The following GASK1A variants were observed in gnomAD, a reference collection of about 807,000 sequenced individuals.
GASK1A encodes the protein Golgi-associated kinase 1A.
GASK1A carries 40 observed loss-of-function variants against 41.2 expected under a neutral mutation model. The observed-to-expected ratio is 0.97, with a 90% CI of 0.75 to 1.27. The LOEUF (loss-of-function observed/expected upper bound fraction) is 1.27. Among genes scored for constraint, GASK1A ranks in the 50% most tolerant of loss-of-function variants. The pLI is 0.00. For missense variants in GASK1A, 678 were observed against 745.1 expected, an observed-to-expected ratio of 0.91 and a Z score of 1.05; for synonymous variants, 316 against 307.1, an observed-to-expected ratio of 1.03 and a Z score of -0.30.
intron 1 of GASK1A, among the ~76,000 whole-genome samples, chr3:42,980,348 C>T (rs138441512): frequency 9.2e-5 from 14 of 152,230 alleles, no homozygotes; most frequent in African/African-American, 2.2e-4. Context: ...AGCTAAAGGA[C>T]ACATGCAACC....
chr3:43,046,902 C>T (rs552262129), intron 2 of GASK1A, among the ~76,000 whole-genome samples: 9 of 152,360 alleles, frequency 5.9e-5, no homozygotes, highest in Non-Finnish European at 8.8e-5. Flanking sequence ...TAGGCCTCCA[C>T]GTGGTGTTGC....
intron 3 of GASK1A, 92 bp from the exon 4 acceptor site, chr3:43,055,336 CAGGG>C: frequency 1.2e-6 from 1 of 806,822 alleles, no homozygotes; most frequent in Non-Finnish European, 2.0e-6. Flanking sequence ...ACTGACAGCT[CAGGG>C]CTGTCAGCCC....
intron 1 of GASK1A, among the ~76,000 whole-genome samples, chr3:42,997,670 A>G (rs2089383994): frequency 6.6e-6 from 1 of 152,110 alleles, no homozygotes; most frequent in Admixed American, 6.5e-5. Context: ...TTGAGCATCT[A>G]TTGCGGGTCT....
At chr3:42,985,402 C>T (rs1181786533) in intron 1 of GASK1A, among the ~76,000 whole-genome samples, 1 of 152,144 alleles carries the variant, frequency 6.6e-6, no homozygotes, top group Non-Finnish European at 1.5e-5. Flanking sequence ...TGTCTCCCTG[C>T]CGTCTTGTCA....
chr3:43,000,361 T>C (rs917618752), intron 1 of GASK1A, among the ~76,000 whole-genome samples: 10 of 152,282 alleles, frequency 6.6e-5, no homozygotes, highest in African/African-American at 2.4e-4. Flanking sequence ...GTCAGATTCC[T>C]CTTGGAGTTT....
intron 2 of GASK1A, among the ~76,000 whole-genome samples, chr3:43,047,770 G>A (rs141695665): frequency 1.9e-3 from 283 of 152,274 alleles, no homozygotes; most frequent in African/African-American, 6.5e-3. Flanking sequence ...GGGTGGTAAC[G>A]TGGAGGGCAG....
rs1237834583 is a variant in GASK1A at position 43,056,542 on chromosome 3, G to A, written c.*156G>A. ...GCCTGGGATGGTGGAGGTAGTATGG[G>A]GTTTTCAATCTCAAAGCGTCCCTTT... On this transcript the variant is annotated 3_prime_UTR_variant, in exon 5 of 5. Transcript: ENST00000430121. 4.8e-6 allele frequency: 3 copies of A among 628,828 alleles called. No individual in the cohort carries two copies. The highest frequency in any genetic ancestry group is 8.0e-6 in the Non-Finnish European group (3 of 376,210). 39.0% of individuals were successfully genotyped at this position (628,828 alleles called of 1,614,324 possible). A position where few individuals can be genotyped will look rare whatever the true frequency, so the allele number is the denominator to read the frequency against.
At chr3:42,993,398 T>C (rs1366576822) in intron 1 of GASK1A, among the ~76,000 whole-genome samples, 1 of 152,216 alleles carries the variant, frequency 6.6e-6, no homozygotes, top group African/African-American at 2.4e-5. Flanking sequence ...GCATTTGTTA[T>C]TAGGTATACT....
intron 1 of GASK1A, among the ~76,000 whole-genome samples, chr3:43,004,729 A>G (rs1193803959): frequency 1.3e-5 from 2 of 152,204 alleles, no homozygotes; most frequent in Admixed American, 6.5e-5. Flanking sequence ...ATAATTAGGT[A>G]ATAATTTTGG....
chr3:42,985,010 C>T (rs552896041), intron 1 of GASK1A, among the ~76,000 whole-genome samples: 1 of 152,224 alleles, frequency 6.6e-6, no homozygotes, highest in South Asian at 2.1e-4. Context: ...TGGAAGGTAG[C>T]TCAGGCTCTG....
At chr3:43,055,132 G>C (rs575364040) in intron 3 of GASK1A, among the ~76,000 whole-genome samples, 2 of 152,324 alleles carry the variant, frequency 1.3e-5, no homozygotes, top group East Asian at 3.9e-4. Context: ...CTACTTACTA[G>C]CTGTGTGATT....
intron 1 of GASK1A, among the ~76,000 whole-genome samples, chr3:43,026,908 A>G (rs892207947): frequency 1.3e-4 from 20 of 152,356 alleles, no homozygotes; most frequent in African/African-American, 4.8e-4. Context: ...CTTTTCTAAT[A>G]GGGCATATTG....
intron 1 of GASK1A, among the ~76,000 whole-genome samples, chr3:42,986,809 G>A (rs2089313915): frequency 6.6e-6 from 1 of 152,210 alleles, no homozygotes; most frequent in Non-Finnish European, 1.5e-5. Flanking sequence ...GGCCAGGATA[G>A]AGGTATGGAT....
chr3:43,039,040 T>A (rs1173143618), intron 2 of GASK1A, among the ~76,000 whole-genome samples: 2 of 34,438 alleles, frequency 5.8e-5, no homozygotes, highest in East Asian at 7.4e-3. Flanking sequence ...TCTTTTGACT[T>A]TTTTTTTTTT....
intron 1 of GASK1A, among the ~76,000 whole-genome samples, chr3:43,012,796 G>A (rs1248463343): frequency 1.3e-5 from 2 of 151,776 alleles, no homozygotes; most frequent in Non-Finnish European, 2.9e-5. Context: ...GCCACAGGCA[G>A]TGTGAGGCCA....
chr3:43,049,537 C>A (rs1307800805), intron 2 of GASK1A, among the ~76,000 whole-genome samples: 1 of 152,178 alleles, frequency 6.6e-6, no homozygotes, highest in Non-Finnish European at 1.5e-5. Context: ...ATGAACAGGG[C>A]TGTGGTTCTT....
At position 43,033,483 on chromosome 3, in the gene GASK1A, G is replaced by A. The variant is rs1196714215; in HGVS notation, c.1220G>A (p.Gly407Asp). Residue 407 changes from glycine (G) to aspartate (D), a missense_variant, in exon 2 of 5, where the codon GGC (glycine) becomes GAC (aspartate). Coordinates refer to ENST00000430121, the MANE Select transcript of GASK1A (RefSeq NM_001129908.3). ...ALLAHSCNWPGQAPCPGIHHT... is the reference protein window; with the variant it reads ...ALLAHSCNWPDQAPCPGIHHT... ...CTGGCACACAGCTGCAACTGGCCAGGCCAGGCCCCGTGCCCGGGCATCCAC... is the reference window on the plus strand; with the variant it reads ...CTGGCACACAGCTGCAACTGGCCAGACCAGGCCCCGTGCCCGGGCATCCAC... 20 of 1,550,432 alleles carry A rather than the reference G, an allele frequency of 1.3e-5. No homozygotes were observed. In the Middle Eastern group the frequency reaches 8.4e-4, roughly 65 times the overall value.
intron 2 of GASK1A, among the ~76,000 whole-genome samples, chr3:43,035,019 G>A (rs902288059): frequency 1.3e-5 from 2 of 152,248 alleles, no homozygotes; most frequent in East Asian, 1.9e-4. Context: ...CTATGTCCCC[G>A]TGGCTGCTTT....
intron 3 of GASK1A, among the ~76,000 whole-genome samples, chr3:43,054,947 G>A (rs1340538957): frequency 6.6e-6 from 1 of 152,184 alleles, no homozygotes; most frequent in African/African-American, 2.4e-5. Flanking sequence ...AGCAGCACAT[G>A]TGCGATGCCC....
Sources: allele counts gnomAD v4.1 joint callset (sites outside exome capture counted in the v4.1 genomes callset), GRCh38; gene constraint gnomAD v4.1.1; transcripts MANE v1.5; gene names NCBI Gene and HGNC (gene_info 2026-07-23, HGNC 2026-07-21).